DIP2C: variants seen among roughly 807,000 people sequenced by gnomAD.
DIP2C encodes the protein DIP2 acetate--CoA ligase C (putative).
Under a neutral mutation model 192.4 loss-of-function variants are expected in DIP2C, and 33 were observed. The ratio of observed to expected loss-of-function variants is 0.17; its 90% confidence interval spans 0.13 to 0.23. The LOEUF (loss-of-function observed/expected upper bound fraction) is 0.23. Ranked by LOEUF, DIP2C falls within the 10% of genes least tolerant of loss-of-function variation. The pLI, the probability that DIP2C is intolerant of heterozygous loss-of-function variation, is 1.00. For missense variants in DIP2C, 1,537 were observed against 2,110.1 expected (o/e 0.73, Z 5.32); for synonymous variants, 979 against 864.1 (o/e 1.13, Z -2.33).
intron 3 of DIP2C, among the ~76,000 whole-genome samples, chr10:457,032 ATC>A (rs1165708930): frequency 2.0e-5 from 3 of 152,040 alleles, no homozygotes; most frequent in African/African-American, 7.2e-5. Flanking sequence ...TAGATTTTCC[ATC>A]TCTCTGCTCA....
intron 1 of DIP2C, among the ~76,000 whole-genome samples, chr10:658,211 C>T (rs1337129298): frequency 9.8e-4 from 147 of 150,178 alleles, no homozygotes; most frequent in African/African-American, 3.6e-3. Flanking sequence ...CTGGACCTGC[C>T]CCTGGACCTG....
At chr10:587,676 G>A (rs1469862882) in intron 1 of DIP2C, among the ~76,000 whole-genome samples, 2 of 135,760 alleles carry the variant, frequency 1.5e-5, no homozygotes, top group Admixed American at 1.5e-4. Flanking sequence ...TGACCCTGCG[G>A]AAACCCCACA....
intron 1 of DIP2C, among the ~76,000 whole-genome samples, chr10:649,439 C>T (rs1202674143): frequency 6.6e-6 from 1 of 152,238 alleles, no homozygotes; most frequent in African/African-American, 2.4e-5. Context: ...TAATGCACTG[C>T]AGGGTGTGTC....
chr10:439,653 A>T (rs1967571067), intron 4 of DIP2C, among the ~76,000 whole-genome samples: 1 of 152,006 alleles, frequency 6.6e-6, no homozygotes, highest in African/African-American at 2.4e-5. Context: ...AAAAACCCCA[A>T]ATTATGCACT....
intron 1 of DIP2C, among the ~76,000 whole-genome samples, chr10:537,437 G>A (rs930790261): frequency 6.6e-6 from 1 of 152,100 alleles, no homozygotes; most frequent in African/African-American, 2.4e-5. Context: ...CTTTCAATTC[G>A]CCTCTTTTCT....
chr10:320,903 A>G (rs1291523934), intron 31 of DIP2C, among the ~76,000 whole-genome samples: 3 of 152,260 alleles, frequency 2.0e-5, no homozygotes, highest in Non-Finnish European at 4.4e-5. Flanking sequence ...TTCAGAGGAA[A>G]GAGAGCACCG....
At chr10:310,244 C>T in intron 31 of DIP2C, 152 bp from the exon 32 acceptor site, 3 of 684,016 alleles carry the variant, frequency 4.4e-6, no homozygotes, top group Non-Finnish European at 5.1e-6. Flanking sequence ...AAGGCACCTG[C>T]TAACTTTCAG....
intron 1 of DIP2C, among the ~76,000 whole-genome samples, chr10:619,669 G>A (rs1309951759): frequency 6.6e-6 from 1 of 152,072 alleles, no homozygotes; most frequent in Non-Finnish European, 1.5e-5. Context: ...CAGACCCCAG[G>A]AATAAACTCA....
At chr10:336,536 A>C (rs1957776205) in intron 29 of DIP2C, among the ~76,000 whole-genome samples, 1 of 152,246 alleles carries the variant, frequency 6.6e-6, no homozygotes, top group South Asian at 2.1e-4. Context: ...TTTGATGAGC[A>C]TATACAATTA....
chr10:615,190 G>A (rs1050658699), intron 1 of DIP2C, among the ~76,000 whole-genome samples: 4 of 152,242 alleles, frequency 2.6e-5, no homozygotes, highest in African/African-American at 9.6e-5. Flanking sequence ...AGAGGACGGT[G>A]CGGTCCCTAG....
At chr10:375,868 C>T (rs1187327788) in intron 17 of DIP2C, among the ~76,000 whole-genome samples, 1 of 430 alleles carries the variant, frequency 2.3e-3, no homozygotes, top group East Asian at 0.056. Context: ...TCAACAAGGT[C>T]TTTCATTTTT....
chr10:478,565 G>A (rs891948917), intron 2 of DIP2C, among the ~76,000 whole-genome samples: 8 of 151,242 alleles, frequency 5.3e-5, no homozygotes, highest in Admixed American at 2.0e-4. Context: ...CCAAATTCCT[G>A]TCTTATTCCC....
chr10:611,551 G>C (rs574335525), intron 1 of DIP2C, among the ~76,000 whole-genome samples: 2 of 152,288 alleles, frequency 1.3e-5, no homozygotes, highest in South Asian at 4.1e-4. Context: ...ACCTTTCTCA[G>C]AGAAACCCCA....
At chr10:419,602 G>T (rs7915562) in intron 5 of DIP2C, among the ~76,000 whole-genome samples, 1 of 151,876 alleles carries the variant, frequency 6.6e-6, no homozygotes, top group Non-Finnish European at 1.5e-5. Flanking sequence ...AACTTCTGGG[G>T]ATTTTGGGAT....
At chr10:564,818 A>AT (rs1849377711) in intron 1 of DIP2C, among the ~76,000 whole-genome samples, 1 of 152,164 alleles carries the variant, frequency 6.6e-6, no homozygotes, top group African/African-American at 2.4e-5. Context: ...AAAAAAACAC[A>AT]TAACACGTGA....
chr10:650,256 G>A, intron 1 of DIP2C: 1 of 717,054 alleles, frequency 1.4e-6, no homozygotes, highest in Non-Finnish European at 2.6e-6. Flanking sequence ...GGAGACAGCT[G>A]GCCCGAGGTG....
chr10:380,343 G>C (rs1052128824), intron 17 of DIP2C, among the ~76,000 whole-genome samples: 1 of 151,444 alleles, frequency 6.6e-6, no homozygotes, highest in Non-Finnish European at 1.5e-5. Context: ...AGAAGAGGCT[G>C]TCCCTGGAAG....
At chr10:648,644 G>A (rs1239410197) in intron 1 of DIP2C, among the ~76,000 whole-genome samples, 6 of 149,924 alleles carry the variant, frequency 4.0e-5, no homozygotes, top group South Asian at 2.1e-4. Flanking sequence ...CTGAGTCCAC[G>A]TCCACATTGG....
chr10:580,894 G>A (rs796409622), intron 1 of DIP2C, among the ~76,000 whole-genome samples: 4 of 152,236 alleles, frequency 2.6e-5, no homozygotes, highest in Non-Finnish European at 2.9e-5. Context: ...CATAGTACAC[G>A]TCAGGACTGA....
Sources: allele counts gnomAD v4.1 joint callset (sites outside exome capture counted in the v4.1 genomes callset), GRCh38; gene constraint gnomAD v4.1.1; transcripts MANE v1.5; gene names NCBI Gene and HGNC (gene_info 2026-07-23, HGNC 2026-07-21).